RET: variants seen among roughly 807,000 people sequenced by gnomAD.
RET encodes ret proto-oncogene.
Under a neutral mutation model 118.3 loss-of-function variants are expected in RET, and 19 were observed. That is an observed-to-expected ratio of 0.16 (90% CI 0.11 to 0.24). The LOEUF is 0.24. RET is among the 10% of genes least tolerant of loss of function. RET has a pLI of 1.00. For missense variants in RET, 1,219 were observed against 1,502.1 expected (o/e 0.81, Z 3.12); for synonymous variants, 597 against 644.1 (o/e 0.93, Z 1.11).
intron 1 of RET, among the ~76,000 whole-genome samples, chr10:43,088,934 C>A (rs901359908): frequency 6.6e-6 from 1 of 152,246 alleles, no homozygotes; most frequent in African/African-American, 2.4e-5. Context: ...CCCCTCCTTT[C>A]ACTCTGGCTC....
chr10:43,079,159 T>TCTCTA (rs1369199767), intron 1 of RET, among the ~76,000 whole-genome samples: 1 of 152,084 alleles, frequency 6.6e-6, no homozygotes. Context: ...CTCTAGAGGA[T>TCTCTA]GAGGGTTCTT....
At position 43,102,494 on chromosome 10, in the gene RET, G is replaced by A. The variant is rs2132682016; in HGVS notation, c.490G>A (p.Glu164Lys). The A allele has an allele frequency of 1.2e-6, 2 of 1,614,172 alleles. No individual in the cohort carries two copies. Among genetic ancestry groups the A allele is most frequent in the African/African-American group, 1.3e-5 (1 of 75,058 alleles). ...AGCCTGCAGCTCCCTCAAGCCCCGG[G>A]AGCTCTGCTTCCCAGAGACAAGGCC... ...FPACSSLKPR[E>K]LCFPETRPSF... The change falls in exon 3 of 20, where the codon GAG becomes AAG. Residue 164 changes from glutamate (E) to lysine (K), a missense_variant. Coordinates refer to ENST00000355710, the MANE Select transcript of RET (RefSeq NM_020975.6).
At chr10:43,090,020 G>C (rs548708754) in intron 1 of RET, among the ~76,000 whole-genome samples, 1 of 152,228 alleles carries the variant, frequency 6.6e-6, no homozygotes, top group Non-Finnish European at 1.5e-5. Flanking sequence ...CAGGCTGAGC[G>C]AGCGAGCACC....
intron 1 of RET, among the ~76,000 whole-genome samples, chr10:43,098,636 GA>G (rs1837572766): frequency 6.6e-6 from 1 of 152,302 alleles, no homozygotes; most frequent in East Asian, 1.9e-4. Flanking sequence ...TGGCTAGGCT[GA>G]TCTTAAACTC....
At chr10:43,125,011 C>T in intron 18 of RET, 29 bp downstream of exon 18, 2 of 1,607,046 alleles carry the variant, frequency 1.2e-6, no homozygotes, top group Non-Finnish European at 1.7e-6. Flanking sequence ...TTCCCACAAG[C>T]TGAAAGTGGC....
In RET at chr10:43,128,469, A is replaced by G; in HGVS notation, c.*200A>G. The G allele has an allele frequency of 1.5e-6, 1 of 651,830 alleles. No individual in the cohort carries two copies. The highest frequency in any genetic ancestry group is 1.7e-5 in the South Asian group (1 of 57,184). The allele number at this position is 651,830 out of a possible 1,614,324, so 40.4% of individuals were successfully genotyped here. A position where few individuals can be genotyped will look rare whatever the true frequency, so the allele number is the denominator to read the frequency against. On this transcript the variant is annotated 3_prime_UTR_variant, in exon 20 of 20. Transcript: ENST00000355710. ...CCGGTGATTTTCCCTCCTAGCAGAC[A>G]TGCCACACCGGGTAAGAGCTCTGAG...
In RET at chr10:43,113,581, G is replaced by T. The variant is rs1204846773; in HGVS notation, c.1785G>T (p.Glu595Asp). ...GGGGCAGCATTGTTGGGGGACACGA[G>T]CCTGGGGAGCCCCGGGGGATTAAAG... ...CLRGSIVGGHEPGEPRGIKAG... is the reference protein window; with the variant it reads ...CLRGSIVGGHDPGEPRGIKAG... The change falls in exon 10 of 20, where the codon GAG (glutamate) becomes GAT (aspartate). Residue 595 changes from glutamate to aspartate, a missense_variant. Glu to Asp is a conservative substitution (Grantham distance 45). Around this residue, in one of 5 missense-constraint regions of RET, gnomAD observed 850 missense variants for 969.6 expected, o/e 0.88. Transcript: ENST00000355710. 2 of 1,610,594 alleles carry T rather than the reference G, an allele frequency of 1.2e-6. No homozygotes were observed.
chr10:43,128,004 A>C, intron 19 of RET, 108 bp from the exon 20 acceptor site: 3 of 1,153,752 alleles, frequency 2.6e-6, no homozygotes, highest in Non-Finnish European at 2.6e-6. Flanking sequence ...TGGCACAGAA[A>C]CCACGAGTTT....
chr10:43,116,780 G>T, intron 12 of RET, 49 bp downstream of exon 12: 1 of 1,262,116 alleles, frequency 7.9e-7, no homozygotes, highest in Non-Finnish European at 1.2e-6. Context: ...CTCCGGGGCG[G>T]GGGGCGGGTG....
chr10:43,126,852 T>G, intron 19 of RET, 130 bp downstream of exon 19: 2 of 1,479,536 alleles, frequency 1.4e-6, no homozygotes, highest in Middle Eastern at 3.5e-4. Context: ...ACCTTTTTAT[T>G]TGTAAATGTC....
chr10:43,090,785 C>G (rs1344868900), intron 1 of RET, among the ~76,000 whole-genome samples: 1 of 150,778 alleles, frequency 6.6e-6, no homozygotes, highest in Non-Finnish European at 1.5e-5. Flanking sequence ...GAGGTTCCTC[C>G]TCTGCAGGCT....
At chr10:43,105,649 A>G (rs1837755395) in intron 4 of RET, among the ~76,000 whole-genome samples, 1 of 151,998 alleles carries the variant, frequency 6.6e-6, no homozygotes, top group African/African-American at 2.4e-5. Context: ...GTGGAGCGCG[A>G]CCGCCACCTG....
At chr10:43,127,899 G>A (rs1177851013) in intron 19 of RET, among the ~76,000 whole-genome samples, 1 of 152,142 alleles carries the variant, frequency 6.6e-6, no homozygotes, top group South Asian at 2.1e-4. Context: ...AATTGGTAGT[G>A]TCTGTTAAGT....
chr10:43,112,835 G>T lies in RET; in HGVS notation c.1649-18G>T. On this transcript the variant is annotated intron_variant, in intron 8 of 19. Coordinates refer to ENST00000355710, the MANE Select transcript of RET (RefSeq NM_020975.6). The stretch of plus-strand genomic sequence containing the variant: ...GGGGCTCCCACATGGGTGACAGCCT[G>T]CTGTGTGTCCTGTGCAGGGATCACC... 6.2e-7 allele frequency: 1 copy of T among 1,605,916 alleles called. No homozygotes were observed. Among genetic ancestry groups the T allele is most frequent in the Non-Finnish European group, 8.5e-7 (1 of 1,173,084 alleles).
chr10:43,107,339 C>T (rs940244410), intron 5 of RET, among the ~76,000 whole-genome samples: 4 of 152,188 alleles, frequency 2.6e-5, no homozygotes, highest in Non-Finnish European at 5.9e-5. Flanking sequence ...TGCCAGAGTG[C>T]CCCTCCCATC....
At chr10:43,078,261 A>AT (rs1342049437) in intron 1 of RET, among the ~76,000 whole-genome samples, 1 of 152,176 alleles carries the variant, frequency 6.6e-6, no homozygotes, top group Non-Finnish European at 1.5e-5. Context: ...GCGCTTGTGT[A>AT]TGAACCAAGT....
intron 19 of RET, among the ~76,000 whole-genome samples, chr10:43,127,843 G>C (rs574863274): frequency 6.6e-6 from 1 of 152,168 alleles, no homozygotes; most frequent in African/African-American, 2.4e-5. Flanking sequence ...TAAGCAGTTC[G>C]ACAAATATAC....
intron 6 of RET, among the ~76,000 whole-genome samples, chr10:43,110,412 T>G (rs1864402): frequency 0.77 from 117,489 of 152,158 alleles, 46,081 homozygotes; most frequent in African/African-American, 0.9. Context: ...CTGTGGTCAC[T>G]TGTGGGCCTG....
intron 15 of RET, 101 bp from the exon 16 acceptor site, chr10:43,121,845 T>A: frequency 1.2e-6 from 1 of 863,486 alleles, no homozygotes; most frequent in Middle Eastern, 2.2e-4. Flanking sequence ...AGCACTCCTC[T>A]GGTTACTGAA....
Sources: allele counts gnomAD v4.1 joint callset (sites outside exome capture counted in the v4.1 genomes callset), GRCh38; gene constraint gnomAD v4.1.1; regional missense constraint gnomAD v4.1.1; transcripts MANE v1.5; gene names NCBI Gene and HGNC (gene_info 2026-07-23, HGNC 2026-07-21).